The following MSRA variants were observed in gnomAD, a reference collection of about 807,000 sequenced individuals.
The protein encoded by MSRA is mitochondrial peptide methionine sulfoxide reductase.
In MSRA, 54 loss-of-function variants were observed where a neutral mutation model predicts 31.3. The observed-to-expected ratio is 1.73, with a 90% CI of 1.39 to 2.17. The LOEUF is 2.17. Ranked by LOEUF, MSRA falls within the 30% of genes most tolerant of loss-of-function variation. The probability of loss-of-function intolerance (pLI) is 0.00; values close to 1 mark genes in which losing one functional copy is unlikely to be tolerated. For missense variants in MSRA, 507 were observed against 300.9 expected (o/e 1.69, Z -5.07); for synonymous variants, 169 against 116.5 (o/e 1.45, Z -2.90).
chr8:10,203,781 C>G (rs1199859782), intron 1 of MSRA, among the ~76,000 whole-genome samples: 6 of 152,100 alleles, frequency 3.9e-5, no homozygotes, highest in Non-Finnish European at 8.8e-5. Context: ...CAGGAGGTGT[C>G]CAGAAGGAGA....
intron 5 of MSRA, among the ~76,000 whole-genome samples, chr8:10,339,178 A>G (rs1803249612): frequency 6.6e-6 from 1 of 152,214 alleles, no homozygotes; most frequent in Non-Finnish European, 1.5e-5. Context: ...TGGCTTTGGA[A>G]TGAAAACTGT....
At chr8:10,151,261 CAAAAAAAA>C (rs34388218) in intron 1 of MSRA, among the ~76,000 whole-genome samples, 1 of 109,146 alleles carries the variant, frequency 9.2e-6, no homozygotes, top group African/African-American at 3.5e-5. Context: ...GAGTCTGTCT[CAAAAAAAA>C]AAAAAAAAAA....
chr8:10,216,003 C>G (rs997326705), intron 2 of MSRA, among the ~76,000 whole-genome samples: 1 of 152,064 alleles, frequency 6.6e-6, no homozygotes, highest in African/African-American at 2.4e-5. Context: ...AGAAGAGAAA[C>G]ATAGGTATAG....
intron 1 of MSRA, among the ~76,000 whole-genome samples, chr8:10,091,271 T>A (rs778514518): frequency 2.7e-4 from 41 of 152,244 alleles, no homozygotes; most frequent in Non-Finnish European, 4.6e-4. Flanking sequence ...TATTCACATT[T>A]AAAAAGTGAC....
chr8:10,250,162 A>C (rs188132267), intron 3 of MSRA, among the ~76,000 whole-genome samples: 88 of 152,288 alleles, frequency 5.8e-4, no homozygotes, highest in Non-Finnish European at 1.1e-3. Flanking sequence ...AAACCAACTG[A>C]TTAACTGGCA....
At chr8:10,232,482 C>A (rs946774363) in intron 2 of MSRA, among the ~76,000 whole-genome samples, 1 of 152,172 alleles carries the variant, frequency 6.6e-6, no homozygotes, top group African/African-American at 2.4e-5. Context: ...GGAAAACTGC[C>A]TTTCATGAGT....
intron 5 of MSRA, among the ~76,000 whole-genome samples, chr8:10,348,636 G>A (rs923837563): frequency 1.3e-5 from 2 of 152,096 alleles, no homozygotes; most frequent in African/African-American, 2.4e-5. Flanking sequence ...CCAAAGTGCT[G>A]GGATTACAGG....
chr8:10,220,799 G>A (rs577579587), intron 2 of MSRA, among the ~76,000 whole-genome samples: 87 of 152,266 alleles, frequency 5.7e-4, no homozygotes, highest in African/African-American at 2.1e-3. Flanking sequence ...CTTTGTCAGG[G>A]TGGCAGTGGG....
At chr8:10,427,928 T>C (rs906295473) in intron 5 of MSRA, among the ~76,000 whole-genome samples, 1 of 152,160 alleles carries the variant, frequency 6.6e-6, no homozygotes, top group African/African-American at 2.4e-5. Flanking sequence ...AAAAATCTGA[T>C]ATAAACCTGA....
intron 5 of MSRA, among the ~76,000 whole-genome samples, chr8:10,391,068 T>G (rs939382405): frequency 6.6e-6 from 1 of 152,142 alleles, no homozygotes; most frequent in South Asian, 2.1e-4. Context: ...GTTCTGGCAC[T>G]TCAAAAAAGT....
intron 1 of MSRA, among the ~76,000 whole-genome samples, chr8:10,125,156 T>C (rs1030138301): frequency 4.3e-4 from 66 of 152,334 alleles, no homozygotes; most frequent in African/African-American, 1.5e-3. Context: ...TTGAACATTG[T>C]AATGGGTGTG....
intron 1 of MSRA, among the ~76,000 whole-genome samples, chr8:10,139,338 A>G (rs1020330966): frequency 2.6e-5 from 4 of 152,172 alleles, no homozygotes; most frequent in African/African-American, 9.7e-5. Context: ...TAAAAATAGC[A>G]TGTTTTAAAC....
chr8:10,396,492 C>G (rs760652214), intron 5 of MSRA, among the ~76,000 whole-genome samples: 1 of 152,178 alleles, frequency 6.6e-6, no homozygotes, highest in Non-Finnish European at 1.5e-5. Flanking sequence ...TTTGAAGATT[C>G]TGCACTGAGA....
At chr8:10,083,089 C>T (rs1402729668) in intron 1 of MSRA, among the ~76,000 whole-genome samples, 2 of 145,322 alleles carry the variant, frequency 1.4e-5, no homozygotes, top group Non-Finnish European at 1.5e-5. Context: ...TTCTTTGTTG[C>T]ATACATAGCA....
intron 1 of MSRA, among the ~76,000 whole-genome samples, chr8:10,201,637 T>C (rs1320518689): frequency 6.6e-6 from 1 of 152,212 alleles, no homozygotes; most frequent in Non-Finnish European, 1.5e-5. Context: ...AGGAAGAAAG[T>C]CATACAATTT....
intron 5 of MSRA, among the ~76,000 whole-genome samples, chr8:10,402,313 C>A (rs1455453999): frequency 6.6e-6 from 1 of 152,238 alleles, no homozygotes; most frequent in Non-Finnish European, 1.5e-5. Context: ...GCCTCCTATT[C>A]CAGCTCCTGC....
chr8:10,322,803 C>T (rs964307970), intron 5 of MSRA, among the ~76,000 whole-genome samples: 11 of 152,196 alleles, frequency 7.2e-5, no homozygotes, highest in African/African-American at 2.6e-4. Flanking sequence ...GAGATAAAAG[C>T]AGAAGAGGCA....
At chr8:10,305,053 C>G (rs745683808) in intron 4 of MSRA, among the ~76,000 whole-genome samples, 6 of 152,128 alleles carry the variant, frequency 3.9e-5, no homozygotes, top group Non-Finnish European at 5.9e-5. Context: ...AAATGTGACT[C>G]AAGAGAAATG....
At chr8:10,140,520 A>G (rs942333264) in intron 1 of MSRA, among the ~76,000 whole-genome samples, 1 of 152,242 alleles carries the variant, frequency 6.6e-6, no homozygotes, top group African/African-American at 2.4e-5. Flanking sequence ...TTGATGGCCT[A>G]TAATAAATTC....
Sources: gnomAD v4.1 joint callset for allele counts (sites outside exome capture counted in the v4.1 genomes callset) on GRCh38, gnomAD v4.1.1 for gene constraint, MANE v1.5 for transcripts, NCBI Gene and HGNC (gene_info 2026-07-23, HGNC 2026-07-21) for gene names.